LHPP: variants seen among roughly 807,000 people sequenced by gnomAD.
The protein encoded by LHPP is hLHPP.
Under a neutral mutation model 30.3 loss-of-function variants are expected in LHPP, and 24 were observed. That is an observed-to-expected ratio of 0.79 (90% confidence interval 0.57 to 1.11). The LOEUF is 1.11. Ranked by LOEUF, LHPP falls within the 50% of genes most tolerant of loss-of-function variation. The pLI is 0.00. For missense variants in LHPP, 356 were observed against 367.2 expected, an observed-to-expected ratio of 0.97 and a Z score of 0.25; for synonymous variants, 150 against 157.1, an observed-to-expected ratio of 0.95 and a Z score of 0.34.
intron 6 of LHPP, among the ~76,000 whole-genome samples, chr10:124,542,342 C>T (rs544851213): frequency 2.0e-5 from 3 of 152,332 alleles, no homozygotes; most frequent in South Asian, 4.1e-4. Context: ...ACCTGCACAA[C>T]AGCCAGAGAG....
chr10:124,473,838 C>A (rs1409524074), intron 1 of LHPP, among the ~76,000 whole-genome samples: 1 of 152,020 alleles, frequency 6.6e-6, no homozygotes, highest in East Asian at 1.9e-4. Context: ...CCTCTAATAC[C>A]AACTACTCAG....
In LHPP at chr10:124,461,883, G is replaced by T. The variant is rs1023216754; in HGVS notation, c.21G>T (p.Arg7=). Residue 7 remains arginine, a synonymous_variant, in exon 1 of 7, where the codon CGG becomes CGT. Transcript: ENST00000368842. The part of the protein sequence containing the change: MAPWGK[R]LAGVRGVLLD... ...GCGCCATGGCACCGTGGGGCAAGCG[G>T]CTGGCTGGCGTGCGCGGGGTGCTGC... 6 of 1,256,922 alleles carry T rather than the reference G, an allele frequency of 4.8e-6. No individual in the cohort carries two copies. The highest frequency in any genetic ancestry group is 6.0e-6 in the Non-Finnish European group (6 of 997,644). The allele number at this position is 1,256,922 out of a possible 1,614,324, so 77.9% of individuals were successfully genotyped here.
At chr10:124,513,865 C>T (rs1422154738) in intron 5 of LHPP, among the ~76,000 whole-genome samples, 1 of 151,944 alleles carries the variant, frequency 6.6e-6, no homozygotes, top group Non-Finnish European at 1.5e-5. Flanking sequence ...CCACAAATGA[C>T]TGACGTTTCA....
At position 124,535,572 on chromosome 10, in the gene LHPP, C is replaced by T. The variant is rs1367710686; in HGVS notation, c.716+18301C>T. Among the ~76,000 whole-genome samples, 6 of 118,446 alleles carry T rather than the reference C, an allele frequency of 5.1e-5. No individual in the cohort carries two copies. In the South Asian group the frequency reaches 1.5e-3, roughly 29 times the overall value. The allele number at this position is 118,446 out of a possible 152,430, so 77.7% of individuals were successfully genotyped here. On this transcript the variant is annotated intron_variant, in intron 6 of 6. Transcript: ENST00000368842. ...CACAATGCCTGGCTAATTAAAAAAA[C>T]ATTTTTTTTTTTTTTGTAGAGACAA...
chr10:124,463,681 AT>A (rs34624587), intron 1 of LHPP, among the ~76,000 whole-genome samples: 4 of 149,284 alleles, frequency 2.7e-5, no homozygotes, highest in African/African-American at 2.5e-5. Flanking sequence ...TCTTTGTATA[AT>A]TTTTTTTTTT....
chr10:124,508,835 A>G (rs945348387), intron 5 of LHPP, among the ~76,000 whole-genome samples: 4 of 152,104 alleles, frequency 2.6e-5, no homozygotes, highest in Non-Finnish European at 4.4e-5. Flanking sequence ...GCTGTTTGAA[A>G]TCTGAGTTTT....
intron 6 of LHPP, among the ~76,000 whole-genome samples, chr10:124,598,331 G>T (rs1238667873): frequency 6.6e-6 from 1 of 152,222 alleles, no homozygotes; most frequent in Non-Finnish European, 1.5e-5. Context: ...CCTTGCCACT[G>T]GTCCCCAGGC....
chr10:124,568,590 C>T (rs560714356), intron 6 of LHPP, among the ~76,000 whole-genome samples: 1 of 152,298 alleles, frequency 6.6e-6, no homozygotes, highest in African/African-American at 2.4e-5. Context: ...GCCATTTCTC[C>T]GAATACCGAT....
chr10:124,474,837 C>T (rs1025611608), intron 1 of LHPP, among the ~76,000 whole-genome samples: 3 of 152,086 alleles, frequency 2.0e-5, no homozygotes, highest in Non-Finnish European at 4.4e-5. Flanking sequence ...AAACTTTCCC[C>T]TCTTTCTAAA....
chr10:124,540,280 C>A (rs767308314), intron 6 of LHPP, among the ~76,000 whole-genome samples: 145 of 152,318 alleles, frequency 9.5e-4, no homozygotes, highest in Non-Finnish European at 1.7e-3. Flanking sequence ...GGCACATAGC[C>A]CTGCCCTGGC....
At chr10:124,466,436 T>C (rs1172806984) in intron 1 of LHPP, among the ~76,000 whole-genome samples, 2 of 152,222 alleles carry the variant, frequency 1.3e-5, no homozygotes, top group African/African-American at 4.8e-5. Flanking sequence ...GACTCTTCAC[T>C]GTATAACTTT....
intron 6 of LHPP, among the ~76,000 whole-genome samples, chr10:124,553,719 A>G (rs1948229443): frequency 6.6e-6 from 1 of 152,104 alleles, no homozygotes; most frequent in Admixed American, 6.5e-5. Context: ...TCGGCCTCCC[A>G]AAGTGCCGGG....
At chr10:124,506,239 A>C (rs1412101829) in intron 5 of LHPP, among the ~76,000 whole-genome samples, 5 of 147,760 alleles carry the variant, frequency 3.4e-5, no homozygotes, top group African/African-American at 1.3e-4. Flanking sequence ...AGAGAGTAAG[A>C]CCTTGTCTCA....
chr10:124,483,184 C>G (rs1305379661), intron 1 of LHPP, among the ~76,000 whole-genome samples: 2 of 152,170 alleles, frequency 1.3e-5, no homozygotes, highest in Non-Finnish European at 2.9e-5. Context: ...GGGTCCACGT[C>G]CTGTCTGTCC....
chr10:124,543,979 A>G (rs11245277), intron 6 of LHPP, among the ~76,000 whole-genome samples: 8,836 of 152,340 alleles, frequency 0.058, 374 homozygotes, highest in East Asian at 0.19. Flanking sequence ...TTAAGCTCAT[A>G]CCCAGAGTTG....
rs912677804 is a variant in LHPP at position 124,517,836 on chromosome 10, G to A, written c.716+565G>A. On this transcript the variant is annotated intron_variant, in intron 6 of 6. Transcript: ENST00000368842. The surrounding 1 kb of genome is among the most constrained non-coding windows in gnomAD (Gnocchi z 4.1). Reference sequence around the variant, plus strand: ...GCTGTCAGGGGTTGGGAGCTCCCAGGCATGTGGAGGGCCCTGTGGTACCCA... The same window carrying A: ...GCTGTCAGGGGTTGGGAGCTCCCAGACATGTGGAGGGCCCTGTGGTACCCA... Among the ~76,000 whole-genome samples, 4 of 152,114 alleles carry A rather than the reference G, an allele frequency of 2.6e-5. No individual in the cohort carries two copies. Among genetic ancestry groups the A allele is most frequent in the Admixed American group, 2.6e-4 (4 of 15,276 alleles).
intron 6 of LHPP, among the ~76,000 whole-genome samples, chr10:124,540,149 C>T (rs992385256): frequency 6.6e-6 from 1 of 152,170 alleles, no homozygotes; most frequent in Non-Finnish European, 1.5e-5. Context: ...CATGCAGCGC[C>T]GTGCTGTTTC....
chr10:124,499,599 C>T (rs1396796993), intron 5 of LHPP, among the ~76,000 whole-genome samples: 4 of 151,820 alleles, frequency 2.6e-5, no homozygotes, highest in South Asian at 2.1e-4. Flanking sequence ...GAAGTTGCAG[C>T]GAGCCGAGAT....
intron 3 of LHPP, among the ~76,000 whole-genome samples, chr10:124,495,701 A>G (rs1953683187): frequency 6.6e-6 from 1 of 152,074 alleles, no homozygotes; most frequent in African/African-American, 2.4e-5. Context: ...GGCTGTGTTC[A>G]TTTTTTCCTT....
Sources: gnomAD v4.1 joint callset for allele counts (sites outside exome capture counted in the v4.1 genomes callset) on GRCh38, gnomAD v4.1.1 for gene constraint, Gnocchi (gnomAD v3.1) non-coding constraint, MANE v1.5 for transcripts, NCBI Gene and HGNC (gene_info 2026-07-23, HGNC 2026-07-21) for gene names.